The following PDE1A variants were observed in gnomAD, a reference collection of about 807,000 sequenced individuals.
PDE1A encodes dual specificity calcium/calmodulin-dependent 3',5'-cyclic nucleotide phosphodiesterase 1A.
Under a neutral mutation model 61.7 loss-of-function variants are expected in PDE1A, and 35 were observed. The ratio of observed to expected loss-of-function variants is 0.57; its 90% CI spans 0.43 to 0.75. The LOEUF is 0.75. PDE1A is among the 30% of genes least tolerant of loss of function. PDE1A has a pLI of 0.00. For synonymous variants in PDE1A, 232 were observed against 213.2 expected, an observed-to-expected ratio of 1.09 and a Z score of -0.77; for missense variants, 597 against 630.6, an observed-to-expected ratio of 0.95 and a Z score of 0.57.
the PDE1A span, among the ~76,000 whole-genome samples, chr2:182,714,042 T>A: frequency 2.0e-5 from 3 of 152,212 alleles, no homozygotes; most frequent in African/African-American, 7.2e-5. Flanking sequence ...TCCTTGATGT[T>A]TAGTTCCTTT....
At chr2:182,199,263 T>A (rs1686405785) in intron 10 of PDE1A, among the ~76,000 whole-genome samples, 1 of 152,014 alleles carries the variant, frequency 6.6e-6, no homozygotes, top group Non-Finnish European at 1.5e-5. Flanking sequence ...GAGAGCCAAC[T>A]GTTATCTTCA....
chr2:182,531,260 T>C, the PDE1A span, among the ~76,000 whole-genome samples: 15 of 149,498 alleles, frequency 1.0e-4, no homozygotes, highest in South Asian at 4.2e-4. Context: ...AAGCAAAAAA[T>C]CAAGACTTAA....
At chr2:182,510,239 TG>T (rs1410657734) in intron 2 of PDE1A, among the ~76,000 whole-genome samples, 3 of 152,172 alleles carry the variant, frequency 2.0e-5, no homozygotes, top group Non-Finnish European at 4.4e-5. Context: ...CAAAGGGTCA[TG>T]TTTCATATAT....
chr2:182,419,780 G>T (rs1703158237), intron 1 of PDE1A, among the ~76,000 whole-genome samples: 1 of 152,072 alleles, frequency 6.6e-6, no homozygotes, highest in Non-Finnish European at 1.5e-5. Context: ...CATGCCTTTT[G>T]TTTCGCACCT....
chr2:182,540,139 G>T, the PDE1A span, among the ~76,000 whole-genome samples: 5 of 151,998 alleles, frequency 3.3e-5, no homozygotes, highest in African/African-American at 1.2e-4. Flanking sequence ...CGAGGCAGGC[G>T]GATCATTTGA....
At chr2:182,689,873 A>C in the PDE1A span, among the ~76,000 whole-genome samples, 1 of 152,364 alleles carries the variant, frequency 6.6e-6, no homozygotes, top group Admixed American at 6.5e-5. Flanking sequence ...ACAGAAATAC[A>C]AACTACCATC....
chr2:182,416,411 T>C (rs1702920863), intron 1 of PDE1A, among the ~76,000 whole-genome samples: 1 of 152,218 alleles, frequency 6.6e-6, no homozygotes, highest in Non-Finnish European at 1.5e-5. Flanking sequence ...TAATTTACGC[T>C]CAGCTGTTTC....
the PDE1A span, among the ~76,000 whole-genome samples, chr2:182,678,807 G>A: frequency 6.6e-6 from 1 of 152,142 alleles, no homozygotes; most frequent in Non-Finnish European, 1.5e-5. Flanking sequence ...AGAGGAGGGG[G>A]AGAGGGAATG....
intron 2 of PDE1A, among the ~76,000 whole-genome samples, chr2:182,453,874 C>T (rs1000370063): frequency 5.3e-5 from 8 of 152,078 alleles, no homozygotes; most frequent in Non-Finnish European, 1.2e-4. Flanking sequence ...GGGATGCCCT[C>T]TCTCACCACT....
intron 1 of PDE1A, among the ~76,000 whole-genome samples, chr2:182,289,501 C>A (rs1347055290): frequency 2.0e-5 from 3 of 152,048 alleles, no homozygotes; most frequent in Non-Finnish European, 2.9e-5. Context: ...TTAACTAGGG[C>A]TAGACATCAC....
the PDE1A span, among the ~76,000 whole-genome samples, chr2:182,683,328 C>A: frequency 4.6e-5 from 7 of 152,020 alleles, no homozygotes; most frequent in African/African-American, 9.7e-5. Context: ...CCACCCACCT[C>A]GGCCTCCCAA....
the PDE1A span, among the ~76,000 whole-genome samples, chr2:182,658,047 T>TAAAAAAAAAAAAAAAAAAAAAA: frequency 1.5e-5 from 1 of 66,660 alleles, no homozygotes; most frequent in African/African-American, 6.9e-5. Flanking sequence ...AGCTTCTCAG[T>TAAAAAAAAAAAAAAAAAAAAAA]AAAAAAAAAA....
At chr2:182,599,640 G>T in the PDE1A span, among the ~76,000 whole-genome samples, 1 of 92,976 alleles carries the variant, frequency 1.1e-5, no homozygotes, top group Admixed American at 8.5e-5. Context: ...AAAATTTTCA[G>T]AAATAACAAA....
the PDE1A span, among the ~76,000 whole-genome samples, chr2:182,585,443 G>A: frequency 6.6e-6 from 1 of 152,142 alleles, no homozygotes; most frequent in African/African-American, 2.4e-5. Context: ...GTATTCATGA[G>A]TCAAATAATA....
At chr2:182,486,948 T>A (rs192346982) in intron 2 of PDE1A, among the ~76,000 whole-genome samples, 15 of 152,290 alleles carry the variant, frequency 9.8e-5, no homozygotes. Flanking sequence ...AAAACCTTTA[T>A]TCTTCAAAAG....
chr2:182,620,541 T>C, the PDE1A span, among the ~76,000 whole-genome samples: 1 of 152,166 alleles, frequency 6.6e-6, no homozygotes, highest in Non-Finnish European at 1.5e-5. Flanking sequence ...AACAAGGATT[T>C]GAAAAAGAGA....
At chr2:182,359,730 A>T (rs1171360031) in intron 1 of PDE1A, among the ~76,000 whole-genome samples, 1 of 152,062 alleles carries the variant, frequency 6.6e-6, no homozygotes, top group Non-Finnish European at 1.5e-5. Context: ...CGGTCAAGAA[A>T]AGTAACAGGG....
intron 1 of PDE1A, among the ~76,000 whole-genome samples, chr2:182,339,190 C>G (rs960113099): frequency 6.6e-6 from 1 of 152,070 alleles, no homozygotes; most frequent in African/African-American, 2.4e-5. Flanking sequence ...AAAAGAGACA[C>G]AATGAATAGA....
At chr2:182,355,438 A>G (rs1388476518) in intron 1 of PDE1A, among the ~76,000 whole-genome samples, 1 of 151,942 alleles carries the variant, frequency 6.6e-6, no homozygotes, top group African/African-American at 2.4e-5. Context: ...TTTAAATTTT[A>G]TGCTATTTTG....
Sources: allele counts gnomAD v4.1 joint callset (sites outside exome capture counted in the v4.1 genomes callset), GRCh38; gene constraint gnomAD v4.1.1; transcripts MANE v1.5; gene names NCBI Gene and HGNC (gene_info 2026-07-23, HGNC 2026-07-21).